DCAF12: variants seen among roughly 807,000 people sequenced by gnomAD.
DCAF12 encodes DDB1- and CUL4-associated factor 12.
A neutral mutation model predicts 52.8 loss-of-function variants in DCAF12; 28 were observed. The observed-to-expected ratio is 0.53, with a 90% confidence interval of 0.39 to 0.73. DCAF12 has a LOEUF of 0.73. Ranked by LOEUF, DCAF12 falls within the 30% of genes least tolerant of loss-of-function variation. The probability of loss-of-function intolerance (pLI) is 0.00; values close to 1 mark genes in which losing one functional copy is unlikely to be tolerated. For synonymous variants in DCAF12, 196 were observed against 215.5 expected, an observed-to-expected ratio of 0.91 and a Z score of 0.79; for missense variants, 425 against 552.2, an observed-to-expected ratio of 0.77 and a Z score of 2.31.
intron 2 of DCAF12, among the ~76,000 whole-genome samples, chr9:34,117,869 G>A (rs1391553743): frequency 2.0e-5 from 3 of 152,064 alleles, no homozygotes; most frequent in Non-Finnish European, 2.9e-5. Flanking sequence ...AGCCGAGATC[G>A]CGCCATCACA....
chr9:34,091,095 G>A (rs1489695076), intron 7 of DCAF12, among the ~76,000 whole-genome samples: 1 of 152,094 alleles, frequency 6.6e-6, no homozygotes, highest in Non-Finnish European at 1.5e-5. Context: ...GGAGGCCCAA[G>A]GTGAGTGGAT....
rs939158439 is a variant in DCAF12, at chr9:34,126,620, G to A, written c.-189C>T. On this transcript the variant is annotated 5_prime_UTR_variant, in exon 1 of 9. Coordinates refer to ENST00000361264, the MANE Select transcript of DCAF12 (RefSeq NM_015397.4). ...GAAAGGAAAGAGAGAGGAAGGACTT[G>A]AGCCGGGAAAGGGAAGGGGAAGCGA... 1.5e-6 allele frequency: 1 copy of A among 654,502 alleles called. No individual in the cohort carries two copies. The highest frequency in any genetic ancestry group is 2.5e-6 in the Non-Finnish European group (1 of 395,820). 40.5% of individuals were successfully genotyped at this position (654,502 alleles called of 1,614,324 possible).
At chr9:34,094,730 CCAT>C (rs1564094339) in intron 6 of DCAF12, among the ~76,000 whole-genome samples, 1 of 151,734 alleles carries the variant, frequency 6.6e-6, no homozygotes, top group Non-Finnish European at 1.5e-5. Context: ...CGGGGTTTCA[CCAT>C]GTTAGCCAGG....
At chr9:34,108,800 AAT>A (rs1168221569) in intron 2 of DCAF12, among the ~76,000 whole-genome samples, 1 of 128,376 alleles carries the variant, frequency 7.8e-6, no homozygotes, top group African/African-American at 2.7e-5. Context: ...TCTCAAAAAA[AAT>A]AAATAAATAA....
intron 4 of DCAF12, among the ~76,000 whole-genome samples, chr9:34,100,372 G>T (rs931354809): frequency 5.7e-4 from 86 of 150,604 alleles, no homozygotes; most frequent in African/African-American, 2.0e-3. Context: ...CTAATTTTTT[G>T]TATTTTTAGT....
intron 6 of DCAF12, chr9:34,095,753 T>C (rs1385722791): frequency 1.3e-5 from 2 of 152,138 alleles, no homozygotes; most frequent in East Asian, 3.9e-4. Context: ...TATTTTCTCA[T>C]TACCTTACAT....
At chr9:34,115,362 C>T (rs569728336) in intron 2 of DCAF12, among the ~76,000 whole-genome samples, 84 of 149,644 alleles carry the variant, frequency 5.6e-4, no homozygotes, top group African/African-American at 1.9e-3. Flanking sequence ...GAGGCCGAGG[C>T]GGGCGGATCA....
intron 4 of DCAF12, among the ~76,000 whole-genome samples, chr9:34,102,920 T>A (rs1271180099): frequency 6.7e-6 from 1 of 150,346 alleles, no homozygotes; most frequent in Non-Finnish European, 1.5e-5. Flanking sequence ...TACAAAAAAA[T>A]ACAAAAAACT....
chr9:34,125,679 G>A (rs946891233), intron 1 of DCAF12: 10 of 436,112 alleles, frequency 2.3e-5, no homozygotes, highest in Non-Finnish European at 4.4e-5. Context: ...GGAAGATACA[G>A]TCCAAGGAGC....
rs558176926 is a variant in DCAF12 at position 34,090,427 on chromosome 9, C to G, written c.1025-837G>C. 1.8e-4 allele frequency among the ~76,000 whole-genome samples: 28 copies of G among 152,098 alleles called. 1 individual carries two copies. Among genetic ancestry groups the G allele is most frequent in the African/African-American group, 6.3e-4 (26 of 41,494 alleles). On this transcript the variant is annotated intron_variant, in intron 7 of 8. Transcript: ENST00000361264. Reference sequence around the variant, plus strand: ...TGGCAAAAAGCCCAGAACTTAAATACCCAAAGATGTTTAAGACAAGTCATG... The same window carrying G: ...TGGCAAAAAGCCCAGAACTTAAATAGCCAAAGATGTTTAAGACAAGTCATG...
intron 7 of DCAF12, among the ~76,000 whole-genome samples, chr9:34,092,589 G>A (rs1376980023): frequency 6.6e-6 from 1 of 151,942 alleles, no homozygotes; most frequent in Non-Finnish European, 1.5e-5. Flanking sequence ...GCGAGGCTGA[G>A]GCAGGAGAAT....
intron 2 of DCAF12, among the ~76,000 whole-genome samples, chr9:34,124,376 T>C (rs7470431): frequency 0.21 from 31,995 of 152,184 alleles, 3,535 homozygotes; most frequent in Middle Eastern, 0.27. Context: ...TATTTTATCC[T>C]GGCCTATAAT....
At chr9:34,098,557 C>A (rs760892945) in intron 4 of DCAF12, 40 bp from the exon 5 acceptor site, 2 of 1,584,408 alleles carry the variant, frequency 1.3e-6, no homozygotes, top group Non-Finnish European at 1.7e-6. Context: ...ATGTACCCAC[C>A]CCTCTATGGG....
intron 2 of DCAF12, among the ~76,000 whole-genome samples, chr9:34,116,118 CT>C (rs1304709230): frequency 1.3e-5 from 2 of 152,214 alleles, no homozygotes; most frequent in Non-Finnish European, 2.9e-5. Flanking sequence ...AATCCTAGCA[CT>C]TTGGGAGGTG....
intron 2 of DCAF12, among the ~76,000 whole-genome samples, chr9:34,114,679 C>T (rs2131439961): frequency 6.6e-6 from 1 of 152,238 alleles, no homozygotes; most frequent in South Asian, 2.1e-4. Context: ...AAGCTCGAGG[C>T]TCGGGCTCCC....
At chr9:34,124,787 A>T (rs1359545442) in intron 2 of DCAF12, among the ~76,000 whole-genome samples, 1 of 152,228 alleles carries the variant, frequency 6.6e-6, no homozygotes, top group African/African-American at 2.4e-5. Flanking sequence ...TAGAAGCAGC[A>T]CATCCAGAGA....
At chr9:34,113,717 T>G (rs988880038) in intron 2 of DCAF12, among the ~76,000 whole-genome samples, 1 of 152,182 alleles carries the variant, frequency 6.6e-6, no homozygotes, top group Non-Finnish European at 1.5e-5. Flanking sequence ...ACTCTTCCAT[T>G]AGGCATTTCT....
intron 4 of DCAF12, among the ~76,000 whole-genome samples, chr9:34,099,718 C>A (rs1400667895): frequency 6.6e-6 from 1 of 150,890 alleles, no homozygotes. Context: ...CTCAGCCTCC[C>A]GAGCAGTTGG....
chr9:34,093,870 C>T (rs1286988861), intron 6 of DCAF12: 2 of 183,598 alleles, frequency 1.1e-5, no homozygotes, highest in Non-Finnish European at 1.2e-5. Flanking sequence ...CTACCCCCAG[C>T]TCACCTTCCC....
Sources: allele counts gnomAD v4.1 joint callset (sites outside exome capture counted in the v4.1 genomes callset), GRCh38; gene constraint gnomAD v4.1.1; transcripts MANE v1.5; gene names NCBI Gene and HGNC (gene_info 2026-07-23, HGNC 2026-07-21).